The following WDPCP variants were observed in gnomAD, a reference collection of about 807,000 sequenced individuals.
WDPCP encodes WD repeat-containing and planar cell polarity effector protein fritz homolog.
A neutral mutation model predicts 93.1 loss-of-function variants in WDPCP; 71 were observed. The observed-to-expected ratio is 0.76, with a 90% CI of 0.63 to 0.93. WDPCP has a LOEUF of 0.93. Ranked by LOEUF, WDPCP falls within the 40% of genes least tolerant of loss-of-function variation. WDPCP has a pLI of 0.00. For synonymous variants in WDPCP, 315 were observed against 315.0 expected, an observed-to-expected ratio of 1.00 and a Z score of 0.00; for missense variants, 844 against 887.4, an observed-to-expected ratio of 0.95 and a Z score of 0.62.
At chr2:63,230,963 T>G (rs1390421547) in intron 14 of WDPCP, among the ~76,000 whole-genome samples, 1 of 152,174 alleles carries the variant, frequency 6.6e-6, no homozygotes, top group East Asian at 1.9e-4. Flanking sequence ...CAACTTTGGC[T>G]TTTGTTGCCA....
At chr2:63,166,212 G>A (rs535531089) in intron 15 of WDPCP, among the ~76,000 whole-genome samples, 111 of 151,810 alleles carry the variant, frequency 7.3e-4, no homozygotes, top group Non-Finnish European at 1.3e-3. Flanking sequence ...GACTACAGGT[G>A]CATGCCACCA....
At chr2:63,675,810 A>G (rs983457889) in intron 2 of WDPCP, among the ~76,000 whole-genome samples, 6 of 152,226 alleles carry the variant, frequency 3.9e-5, no homozygotes, top group Admixed American at 2.6e-4. Flanking sequence ...AATATATGAA[A>G]TAATATCATT....
chr2:63,278,359 AAAG>A (rs1683240636), intron 13 of WDPCP, among the ~76,000 whole-genome samples: 1 of 152,222 alleles, frequency 6.6e-6, no homozygotes, highest in Non-Finnish European at 1.5e-5. Context: ...GGAACTGGAC[AAAG>A]AAGGACAATC....
chr2:63,749,707 T>G (rs577298095), intron 2 of WDPCP, among the ~76,000 whole-genome samples: 2 of 152,238 alleles, frequency 1.3e-5, no homozygotes, highest in African/African-American at 4.8e-5. Context: ...TTTTCAACTT[T>G]CAATGGGTGT....
chr2:63,822,746 T>A (rs1043549132), intron 1 of WDPCP, among the ~76,000 whole-genome samples: 5 of 151,908 alleles, frequency 3.3e-5, no homozygotes, highest in African/African-American at 1.2e-4. Flanking sequence ...ATTGGCTGGG[T>A]GTGGTGGCAC....
chr2:63,214,709 T>C (rs1677159662), intron 14 of WDPCP, among the ~76,000 whole-genome samples: 1 of 152,176 alleles, frequency 6.6e-6, no homozygotes, highest in African/African-American at 2.4e-5. Context: ...GACATGATTG[T>C]ATATTTAGAA....
chr2:63,797,535 C>A (rs1351102184), intron 2 of WDPCP, among the ~76,000 whole-genome samples: 1 of 151,570 alleles, frequency 6.6e-6, no homozygotes, highest in African/African-American at 2.4e-5. Flanking sequence ...CAGCCACTCT[C>A]TGTCTTTTGA....
chr2:63,347,312 TTTG>T (rs2104513732), intron 12 of WDPCP, among the ~76,000 whole-genome samples: 1 of 152,324 alleles, frequency 6.6e-6, no homozygotes, highest in African/African-American at 2.4e-5. Flanking sequence ...AATAATAATT[TTTG>T]ATTATAAGTA....
At chr2:63,758,219 A>G (rs1254640413) in intron 2 of WDPCP, among the ~76,000 whole-genome samples, 1 of 152,078 alleles carries the variant, frequency 6.6e-6, no homozygotes, top group African/African-American at 2.4e-5. Flanking sequence ...AATTGGAAAG[A>G]GTTCTCATAA....
chr2:63,588,188 A>C lies in WDPCP; in HGVS notation c.75+9T>G, dbSNP rs1255530063. Reference sequence around the variant, plus strand: ...AAAGAAAACCCCTTGCCCTCGGGCCAGGGCTCACCTGTCTCGGGAGTGGGG... The same window carrying C: ...AAAGAAAACCCCTTGCCCTCGGGCCCGGGCTCACCTGTCTCGGGAGTGGGG... On this transcript the variant is annotated intron_variant, in intron 1 of 17. Transcript: ENST00000272321. 6.4e-7 allele frequency: 1 copy of C among 1,562,154 alleles called. No individual in the cohort carries two copies. Among genetic ancestry groups the C allele is most frequent in the Non-Finnish European group, 8.7e-7 (1 of 1,151,396 alleles).
the WDPCP span, among the ~76,000 whole-genome samples, chr2:63,836,364 T>C: frequency 1.3e-5 from 2 of 152,210 alleles, no homozygotes; most frequent in Non-Finnish European, 2.9e-5. Flanking sequence ...GAATCTTTCA[T>C]ATAGTTGAAA....
intron 1 of WDPCP, among the ~76,000 whole-genome samples, chr2:63,816,921 A>C (rs546809636): frequency 2.1e-3 from 314 of 152,330 alleles, no homozygotes; most frequent in Non-Finnish European, 3.7e-3. Context: ...GAACAGGCTA[A>C]ATTATTCTAT....
intron 2 of WDPCP, among the ~76,000 whole-genome samples, chr2:63,711,987 A>G (rs1320539967): frequency 6.6e-6 from 1 of 151,380 alleles, no homozygotes; most frequent in East Asian, 1.9e-4. Context: ...TTTTTTTTTT[A>G]TTGAGGTTGT....
intron 6 of WDPCP, among the ~76,000 whole-genome samples, chr2:63,451,433 G>C (rs1278484390): frequency 6.6e-6 from 1 of 152,206 alleles, no homozygotes; most frequent in African/African-American, 2.4e-5. Context: ...AACAGGATCT[G>C]AAATTGAGGC....
intron 11 of WDPCP, among the ~76,000 whole-genome samples, chr2:63,379,571 A>G (rs1389942144): frequency 6.6e-6 from 1 of 152,124 alleles, no homozygotes; most frequent in Non-Finnish European, 1.5e-5. Flanking sequence ...TTCTCTTGCC[A>G]TTGCTTGTTT....
chr2:63,278,369 A>C (rs994434925), intron 13 of WDPCP, among the ~76,000 whole-genome samples: 14 of 152,194 alleles, frequency 9.2e-5, no homozygotes, highest in African/African-American at 3.1e-4. Flanking sequence ...AAAGAAGGAC[A>C]ATCCAAACCC....
chr2:63,659,520 T>C (rs1710203671), intron 2 of WDPCP, among the ~76,000 whole-genome samples: 1 of 152,050 alleles, frequency 6.6e-6, no homozygotes, highest in African/African-American at 2.4e-5. Context: ...GAGGAGGCAA[T>C]GTGACCAGGA....
upstream of WDPCP, among the ~76,000 whole-genome samples, chr2:63,830,670 C>T (rs1265220468): frequency 6.6e-6 from 1 of 152,132 alleles, no homozygotes; most frequent in Non-Finnish European, 1.5e-5. Flanking sequence ...ACTGAATTCT[C>T]ATAACTGGCC....
In WDPCP at chr2:63,285,571, T is replaced by A. The variant is rs144069588; in HGVS notation, c.1813-26162A>T. 3.3e-5 allele frequency among the ~76,000 whole-genome samples: 5 copies of A among 150,654 alleles called. No individual in the cohort carries two copies. The East Asian group carries it at 5.9e-4, about 18-fold the overall frequency. On this transcript the variant is annotated intron_variant, in intron 13 of 17. Coordinates refer to ENST00000272321, the MANE Select transcript of WDPCP (RefSeq NM_015910.7). ...TAGGTAGAAATAATAGAATAAAAAA[T>A]ATATATAATGCAAACACCAATCAAA...
Sources: gnomAD v4.1 joint callset for allele counts (sites outside exome capture counted in the v4.1 genomes callset) on GRCh38, gnomAD v4.1.1 for gene constraint, MANE v1.5 for transcripts, NCBI Gene and HGNC (gene_info 2026-07-23, HGNC 2026-07-21) for gene names.